LTBP1: variants seen among roughly 807,000 people sequenced by gnomAD.
LTBP1 encodes the protein latent transforming growth factor beta binding protein 1.
LTBP1 carries 129 observed loss-of-function variants against 207.6 expected under a neutral mutation model. The ratio of observed to expected loss-of-function variants is 0.62; its 90% CI spans 0.54 to 0.72. The LOEUF (loss-of-function observed/expected upper bound fraction) is 0.72. Ranked by LOEUF, LTBP1 falls within the 30% of genes least tolerant of loss-of-function variation. The probability of loss-of-function intolerance (pLI) is 0.00; values close to 1 mark genes in which losing one functional copy is unlikely to be tolerated. For synonymous variants in LTBP1, 963 were observed against 833.7 expected, an observed-to-expected ratio of 1.16 and a Z score of -2.67; for missense variants, 2,281 against 2,217.2, an observed-to-expected ratio of 1.03 and a Z score of -0.58.
chr2:33,013,817 A>G (rs1687991192), intron 2 of LTBP1, among the ~76,000 whole-genome samples: 1 of 152,192 alleles, frequency 6.6e-6, no homozygotes, highest in Non-Finnish European at 1.5e-5. Flanking sequence ...GAAAACTTCA[A>G]GCTTCCAGAA....
At chr2:33,021,253 C>G (rs780645042) in intron 3 of LTBP1, 47 bp downstream of exon 3, 19 of 1,492,762 alleles carry the variant, frequency 1.3e-5, no homozygotes, top group Non-Finnish European at 1.6e-5. Context: ...CTTAATTACT[C>G]TCTTGGATGC....
At chr2:32,960,807 C>A (rs1678983568) in intron 2 of LTBP1, among the ~76,000 whole-genome samples, 1 of 152,028 alleles carries the variant, frequency 6.6e-6, no homozygotes, top group African/African-American at 2.4e-5. Context: ...AGCACAAAGG[C>A]CTTGGAGTGG....
intron 31 of LTBP1, among the ~76,000 whole-genome samples, chr2:33,377,716 C>A (rs1214954814): frequency 6.6e-6 from 1 of 152,152 alleles, no homozygotes; most frequent in Non-Finnish European, 1.5e-5. Flanking sequence ...TCTGTTTTTA[C>A]ACTGCTATAA....
intron 22 of LTBP1, among the ~76,000 whole-genome samples, chr2:33,308,607 G>A (rs1282679422): frequency 6.6e-6 from 1 of 152,078 alleles, no homozygotes; most frequent in Non-Finnish European, 1.5e-5. Flanking sequence ...TAAAGTTGAT[G>A]CTACTACTTT....
intron 4 of LTBP1, among the ~76,000 whole-genome samples, chr2:33,114,142 G>A (rs558318113): frequency 2.0e-5 from 3 of 152,256 alleles, no homozygotes; most frequent in East Asian, 1.9e-4. Flanking sequence ...ATGCCCAGCC[G>A]GTAAAGGATA....
chr2:33,184,074 A>T (rs1295141179), intron 5 of LTBP1, among the ~76,000 whole-genome samples: 1 of 151,938 alleles, frequency 6.6e-6, no homozygotes, highest in African/African-American at 2.4e-5. Context: ...ACGTTACTGC[A>T]TGTTTCTTTC....
chr2:33,393,234 C>CTTTTTTTTTTT (rs569734292), intron 32 of LTBP1, among the ~76,000 whole-genome samples: 10 of 48,766 alleles, frequency 2.1e-4, no homozygotes, highest in Admixed American at 5.4e-4. Context: ...CCTTCTTCTT[C>CTTTTTTTTTTT]TTTTTTTTTT....
intron 3 of LTBP1, among the ~76,000 whole-genome samples, chr2:33,098,731 G>A (rs1176754032): frequency 2.0e-5 from 3 of 152,040 alleles, no homozygotes; most frequent in Non-Finnish European, 2.9e-5. Context: ...GAGCCACCGC[G>A]CCTGGCCCAC....
chr2:33,124,342 G>A (rs928812172), intron 4 of LTBP1, among the ~76,000 whole-genome samples: 2 of 152,270 alleles, frequency 1.3e-5, no homozygotes, highest in Admixed American at 1.3e-4. Context: ...CCCAGAAGGC[G>A]GAGGTTGCAG....
rs1553316521 is a variant in LTBP1, at chr2:33,382,111, T to TTTTTTTTTG, written c.4712-7072_4712-7071insTTTTTTTGT. On this transcript the variant is annotated intron_variant, in intron 31 of 33. Transcript: ENST00000404816. ...TTTTTTTTTTTTTTTTTTTTTTTTTTTGAGACAGAGTCTCGCTCTGTTGCC... is the reference window on the plus strand; with the variant it reads ...TTTTTTTTTTTTTTTTTTTTTTTTTTTTTTTTTTGTGAGACAGAGTCTCGCTCTGTTGCC... Among the ~76,000 whole-genome samples the TTTTTTTTTG allele has an allele frequency of 2.6e-4, 27 of 103,652 alleles. 7 individuals are homozygous for TTTTTTTTTG. Among genetic ancestry groups the TTTTTTTTTG allele is most frequent in the African/African-American group, 1.2e-3 (25 of 20,682 alleles). The allele number at this position is 103,652 out of a possible 152,430, so 68.0% of individuals were successfully genotyped here.
At chr2:33,062,311 T>A (rs72793714) in intron 3 of LTBP1, among the ~76,000 whole-genome samples, 14,769 of 152,152 alleles carry the variant, frequency 0.097, 943 homozygotes, top group Non-Finnish European at 0.14. Flanking sequence ...TTTAATTTTG[T>A]TGAGGTCTGA....
chr2:33,254,532 T>C, intron 11 of LTBP1, among the ~76,000 whole-genome samples: 1 of 147,176 alleles, frequency 6.8e-6, no homozygotes, highest in Non-Finnish European at 1.5e-5. Flanking sequence ...ATTTAGTTCG[T>C]TAATTCTTTA....
chr2:33,036,336 G>A (rs1166979826), intron 3 of LTBP1, among the ~76,000 whole-genome samples: 1 of 152,020 alleles, frequency 6.6e-6, no homozygotes, highest in Non-Finnish European at 1.5e-5. Context: ...TTAAAGCTGG[G>A]GATTCTTTTA....
At chr2:33,054,782 C>T (rs943594663) in intron 3 of LTBP1, among the ~76,000 whole-genome samples, 3 of 152,264 alleles carry the variant, frequency 2.0e-5, no homozygotes, top group Non-Finnish European at 2.9e-5. Flanking sequence ...ACCCGGGGCT[C>T]AGTGAGGGTG....
intron 24 of LTBP1, among the ~76,000 whole-genome samples, chr2:33,316,308 GTTT>G (rs1418457188): frequency 6.6e-6 from 1 of 152,170 alleles, no homozygotes; most frequent in Non-Finnish European, 1.5e-5. Context: ...AATTGCAAAA[GTTT>G]TGTTCTGGGT....
At chr2:33,007,722 G>A (rs1029502243) in intron 2 of LTBP1, among the ~76,000 whole-genome samples, 1 of 152,180 alleles carries the variant, frequency 6.6e-6, no homozygotes, top group East Asian at 1.9e-4. Flanking sequence ...CTTCTTTGAA[G>A]GTTATTTTGG....
chr2:33,089,007 T>A (rs2078915302), intron 3 of LTBP1, among the ~76,000 whole-genome samples: 3 of 151,310 alleles, frequency 2.0e-5, no homozygotes, highest in Non-Finnish European at 2.9e-5. Flanking sequence ...AATACAAAAA[T>A]TAGCCAGGTG....
intron 3 of LTBP1, among the ~76,000 whole-genome samples, chr2:33,057,668 C>G (rs1211548289): frequency 1.3e-5 from 2 of 152,256 alleles, no homozygotes; most frequent in African/African-American, 2.4e-5. Flanking sequence ...GCTGCTGGCC[C>G]AGGTGCTAAG....
intron 3 of LTBP1, among the ~76,000 whole-genome samples, chr2:33,047,481 T>C (rs1198341025): frequency 6.6e-6 from 1 of 152,176 alleles, no homozygotes; most frequent in Non-Finnish European, 1.5e-5. Context: ...CCTGAGAGAC[T>C]GTTTGTTATG....
Sources: gnomAD v4.1 joint callset for allele counts (sites outside exome capture counted in the v4.1 genomes callset) on GRCh38, gnomAD v4.1.1 for gene constraint, MANE v1.5 for transcripts, NCBI Gene and HGNC (gene_info 2026-07-23, HGNC 2026-07-21) for gene names.